Variants in BAZ1A observed in about 807,000 individuals in gnomAD.
BAZ1A encodes bromodomain adjacent to zinc finger domain 1A.
BAZ1A carries 50 observed loss-of-function variants against 185.2 expected under a neutral mutation model. That is an observed-to-expected ratio of 0.27 (90% CI 0.22 to 0.34). The LOEUF is 0.34. Ranked by LOEUF, BAZ1A falls within the 10% of genes least tolerant of loss-of-function variation. The pLI is 1.00. For missense variants in BAZ1A, 1,356 were observed against 1,839.9 expected, an observed-to-expected ratio of 0.74 and a Z score of 4.81; for synonymous variants, 571 against 615.6, an observed-to-expected ratio of 0.93 and a Z score of 1.07.
intron 18 of BAZ1A, 44 bp downstream of exon 18, chr14:34,775,874 AG>A: frequency 4.1e-6 from 6 of 1,456,410 alleles, no homozygotes; most frequent in Non-Finnish European, 5.6e-6. Context: ...ACCAGAGATT[AG>A]GGGGAGGGAA....
chr14:34,821,966 A>G (rs1043430806), intron 4 of BAZ1A, among the ~76,000 whole-genome samples: 3 of 151,694 alleles, frequency 2.0e-5, no homozygotes, highest in African/African-American at 7.3e-5. Context: ...CCTGCCCAAC[A>G]AGAGCAAAAC....
chr14:34,823,433 G>C (rs531145526), intron 4 of BAZ1A, among the ~76,000 whole-genome samples: 13 of 152,186 alleles, frequency 8.5e-5, no homozygotes, highest in Admixed American at 3.9e-4. Context: ...GCCAAGGTGG[G>C]TGGATCACTT....
Position 34,874,872 on chromosome 14 carries a change from C to A in BAZ1A, c.-58-210G>T. ...CTGCCCCCCGAGCGCGCCCTACCTC[C>A]TCTCGTCCTGCCGCCGCCTCACAAT... On this transcript the variant is annotated intron_variant, in intron 1 of 26. Transcript: ENST00000360310. The surrounding 1 kb of genome is among the most constrained non-coding windows in gnomAD (Gnocchi z 4.7). 1 of 330,102 alleles carries A rather than the reference C, an allele frequency of 3.0e-6. No individual in the cohort carries two copies. The highest frequency in any genetic ancestry group is 5.5e-6 in the Non-Finnish European group (1 of 180,942). 20.4% of individuals were successfully genotyped at this position (330,102 alleles called of 1,614,324 possible). A position where few individuals can be genotyped will look rare whatever the true frequency, so the allele number is the denominator to read the frequency against.
chr14:34,868,898 A>ATGTG (rs3062620), intron 2 of BAZ1A, among the ~76,000 whole-genome samples: 62 of 96,124 alleles, frequency 6.4e-4, no homozygotes, highest in African/African-American at 1.7e-3. Flanking sequence ...GTAAGTATGT[A>ATGTG]TGTGTGTGTG....
intron 25 of BAZ1A, among the ~76,000 whole-genome samples, chr14:34,758,115 C>CAA (rs1192197844): frequency 5.8e-4 from 36 of 62,360 alleles, no homozygotes; most frequent in African/African-American, 1.2e-3. Flanking sequence ...GACCCTGTCT[C>CAA]AAAAAAAAAA....
At chr14:34,870,057 T>C (rs1260781409) in intron 2 of BAZ1A, among the ~76,000 whole-genome samples, 4 of 152,094 alleles carry the variant, frequency 2.6e-5, no homozygotes, top group African/African-American at 9.7e-5. Context: ...GAAAACAAAT[T>C]GGCAATCCAC....
At chr14:34,810,897 C>T in intron 5 of BAZ1A, 38 bp downstream of exon 5, 1 of 1,401,108 alleles carries the variant, frequency 7.1e-7, no homozygotes, top group South Asian at 1.2e-5. Context: ...CATAATTATT[C>T]TACTTTAAAC....
At chr14:34,807,361 T>C in intron 6 of BAZ1A, 90 bp downstream of exon 6, 1 of 898,970 alleles carries the variant, frequency 1.1e-6, no homozygotes, top group Non-Finnish European at 1.6e-6. Flanking sequence ...TTTAATCATC[T>C]TTGAAATAAC....
intron 7 of BAZ1A, among the ~76,000 whole-genome samples, chr14:34,802,020 C>A (rs1404848486): frequency 6.6e-6 from 1 of 151,228 alleles, no homozygotes; most frequent in Non-Finnish European, 1.5e-5. Flanking sequence ...TCAGGAAAAA[C>A]TGGTAATATA....
chr14:34,756,005 T>TC (rs1244061329), intron 25 of BAZ1A, among the ~76,000 whole-genome samples: 1 of 151,668 alleles, frequency 6.6e-6, no homozygotes. Context: ...CTTTTTCTTT[T>TC]TTTTTTTGTA....
At chr14:34,803,856 A>G (rs1461755989) in intron 6 of BAZ1A, among the ~76,000 whole-genome samples, 1 of 152,204 alleles carries the variant, frequency 6.6e-6, no homozygotes, top group Non-Finnish European at 1.5e-5. Context: ...GCAAATTCCT[A>G]TAAAGTTTAA....
chr14:34,834,748 T>C (rs936478757), intron 3 of BAZ1A, among the ~76,000 whole-genome samples: 3 of 152,196 alleles, frequency 2.0e-5, no homozygotes, highest in African/African-American at 7.2e-5. Context: ...ACTTAGTCTA[T>C]GTCTTTCACA....
intron 3 of BAZ1A, among the ~76,000 whole-genome samples, chr14:34,854,363 A>T (rs1465002222): frequency 6.6e-6 from 1 of 152,152 alleles, no homozygotes; most frequent in African/African-American, 2.4e-5. Flanking sequence ...CAGAATCTGC[A>T]GTGAGCCGAG....
In BAZ1A at chr14:34,775,909, G is replaced by A; in HGVS notation, c.2833+10C>T. 6.4e-7 allele frequency: 1 copy of A among 1,557,970 alleles called. No homozygotes were observed. The highest frequency in any genetic ancestry group is 8.7e-7 in the Non-Finnish European group (1 of 1,151,472). ...AAAAAAAGTAAAAACAATTTTCATT[G>A]AAAATTTACCTGAAAAATGAAATTT... On this transcript the variant is annotated intron_variant, in intron 18 of 26. Transcript: ENST00000360310.
intron 13 of BAZ1A, 60 bp downstream of exon 13, chr14:34,786,066 G>C (rs569532761): frequency 2.9e-5 from 46 of 1,565,416 alleles, no homozygotes; most frequent in Non-Finnish European, 3.9e-5. Context: ...CAATGTAAAT[G>C]TGCCTTTATA....
intron 6 of BAZ1A, among the ~76,000 whole-genome samples, chr14:34,804,972 G>A (rs1309062358): frequency 1.3e-5 from 2 of 152,156 alleles, no homozygotes; most frequent in African/African-American, 2.4e-5. Context: ...ATGTGGAATT[G>A]TACTCCCCAG....
intron 7 of BAZ1A, among the ~76,000 whole-genome samples, chr14:34,802,488 G>A (rs562002692): frequency 2.4e-4 from 37 of 152,204 alleles, no homozygotes; most frequent in African/African-American, 8.4e-4. Context: ...CACTGTGCCC[G>A]GCTGCATTAT....
chr14:34,874,414 G>T lies in BAZ1A; in HGVS notation c.113+78C>A. 2 of 1,381,260 alleles carry T rather than the reference G, an allele frequency of 1.4e-6. No individual in the cohort carries two copies. Among genetic ancestry groups the T allele is most frequent in the Non-Finnish European group, 2.0e-6 (2 of 978,076 alleles). The allele number at this position is 1,381,260 out of a possible 1,614,324, so 85.6% of individuals were successfully genotyped here. The stretch of plus-strand genomic sequence containing the variant: ...CGCCCCGCCAGAAGCCCAGGGCGAG[G>T]AAAAGGAGAGAGACAAAAGAGCGCT... On this transcript the variant is annotated intron_variant, in intron 2 of 26. Coordinates refer to ENST00000360310, the MANE Select transcript of BAZ1A (RefSeq NM_013448.3). The surrounding 1 kb of genome is among the most constrained non-coding windows in gnomAD (Gnocchi z 4.7).
rs1457923794 is a variant in BAZ1A at position 34,776,506 on chromosome 14, C to G, written c.2246G>C (p.Gly749Ala). ...SHKRGRRGKR[G>A]QNGFKEFTRQ... is the part of the protein sequence containing the mutation. ...TGTAAATTCTTTAAATCCATTTTGT[C>G]CTCTTTTCCCTGTAATTAAAATAAA... The change falls in exon 18 of 27, where the codon GGA becomes GCA. Residue 749 changes from glycine to alanine, a missense_variant. This residue lies in a region of BAZ1A where 434 missense variants were observed against 561.7 expected (regional missense o/e 0.77). Transcript: ENST00000360310. 7 of 1,570,832 alleles carry G rather than the reference C, an allele frequency of 4.5e-6. No individual in the cohort carries two copies. The highest frequency in any genetic ancestry group is 6.0e-6 in the Non-Finnish European group (7 of 1,163,884).
Sources: allele counts gnomAD v4.1 joint callset (sites outside exome capture counted in the v4.1 genomes callset), GRCh38; gene constraint gnomAD v4.1.1; regional missense constraint gnomAD v4.1.1; non-coding constraint Gnocchi (gnomAD v3.1); transcripts MANE v1.5; gene names NCBI Gene and HGNC (gene_info 2026-07-23, HGNC 2026-07-21).